Variants in DAB2 observed in about 807,000 individuals in gnomAD.
DAB2 encodes the protein disabled homolog 2.
Under a neutral mutation model 71.6 loss-of-function variants are expected in DAB2, and 28 were observed. The ratio of observed to expected loss-of-function variants is 0.39; its 90% CI spans 0.29 to 0.54. The LOEUF is 0.54. Among genes scored for constraint, DAB2 ranks in the 20% least tolerant of loss-of-function variants. The pLI, the probability that DAB2 is intolerant of heterozygous loss-of-function variation, is 0.68. For missense variants in DAB2, 867 were observed against 928.8 expected (o/e 0.93, Z 0.86); for synonymous variants, 345 against 339.7 (o/e 1.02, Z -0.17).
intron 5 of DAB2, 22 bp from the exon 6 acceptor site, chr5:39,389,954 T>G (rs1199529305): frequency 6.9e-7 from 1 of 1,454,974 alleles, no homozygotes; most frequent in Non-Finnish European, 9.4e-7. Context: ...GAAAGCACTG[T>G]TATCCGTATT....
At chr5:39,403,341 T>C (rs1180532299) in intron 1 of DAB2, among the ~76,000 whole-genome samples, 1 of 152,176 alleles carries the variant, frequency 6.6e-6, no homozygotes, top group Non-Finnish European at 1.5e-5. Context: ...ATTACCTGTG[T>C]TTGTTTTTAA....
rs1165310252 is a variant in DAB2, at chr5:39,382,850, T to C, written c.1109A>G (p.Gln370Arg). 6.2e-7 allele frequency: 1 copy of C among 1,614,152 alleles called. No individual in the cohort carries two copies. The highest frequency in any genetic ancestry group is 1.7e-5 in the Admixed American group (1 of 60,006). Reference sequence around the variant, plus strand: ...TTGAGTTCTCACTGCTGGCTGGGTTTGCGAACTTGAAAAGGGCCATGGGCC... The same window carrying C: ...TTGAGTTCTCACTGCTGGCTGGGTTCGCGAACTTGAAAAGGGCCATGGGCC... ...QAGPWPFSSS[Q>R]TQPAVRTQNG... The change falls in exon 10 of 15, where the codon CAA (glutamine) becomes CGA (arginine). Residue 370 changes from glutamine (Q) to arginine (R), a missense_variant. This residue lies in a region of DAB2 where 740 missense variants were observed against 734.3 expected (regional missense o/e 1.01). Coordinates refer to ENST00000320816, the MANE Select transcript of DAB2 (RefSeq NM_001343.4).
At chr5:39,398,225 G>A (rs115128266) in intron 1 of DAB2, among the ~76,000 whole-genome samples, 4,192 of 152,278 alleles carry the variant, frequency 0.028, 89 homozygotes, top group South Asian at 0.086. Flanking sequence ...TTTTGGGGGA[G>A]GGAACGGTGG....
rs765675918 is a variant in DAB2 at position 39,375,968 on chromosome 5, G to C, written c.2247+29C>G. On this transcript the variant is annotated intron_variant, in intron 13 of 14. Coordinates refer to ENST00000320816, the MANE Select transcript of DAB2 (RefSeq NM_001343.4). ...GGAGCTCTATGTGGCATGTACTTTG[G>C]AGAAGAGCTTCTAGTAGTTCATACT... 4 of 1,545,556 alleles carry C rather than the reference G, an allele frequency of 2.6e-6. No individual in the cohort carries two copies. The South Asian group carries it at 3.3e-5, about 13-fold the overall frequency.
intron 14 of DAB2, chr5:39,374,641 T>C (rs1181797714): frequency 4.7e-6 from 1 of 211,876 alleles, no homozygotes; most frequent in Non-Finnish European, 9.2e-6. Flanking sequence ...CTGAACCCTT[T>C]ATAGGAAACC....
intron 1 of DAB2, among the ~76,000 whole-genome samples, chr5:39,412,122 A>AG (rs982513596): frequency 4.6e-5 from 7 of 152,082 alleles, no homozygotes; most frequent in Admixed American, 4.6e-4. Context: ...CATTCCCTTA[A>AG]GGGGGAAAAA....
chr5:39,405,710 T>G (rs1755594584), intron 1 of DAB2, among the ~76,000 whole-genome samples: 1 of 152,236 alleles, frequency 6.6e-6, no homozygotes, highest in South Asian at 2.1e-4. Flanking sequence ...CATGCATAAT[T>G]CTTTCCTTAT....
At chr5:39,403,902 G>A (rs1755554206) in intron 1 of DAB2, among the ~76,000 whole-genome samples, 1 of 151,812 alleles carries the variant, frequency 6.6e-6, no homozygotes, top group African/African-American at 2.4e-5. Context: ...CCTTGCGATA[G>A]TTTGCTGAGA....
chr5:39,382,540 G>A (rs1260862953), intron 10 of DAB2, 78 bp downstream of exon 10: 2 of 1,415,350 alleles, frequency 1.4e-6, no homozygotes, highest in African/African-American at 2.8e-5. Context: ...AGAGCAGCAG[G>A]AAAGAGAGCT....
chr5:39,376,663 C>T lies in DAB2; in HGVS notation c.2124G>A (p.Leu708=), dbSNP rs760915155. The T allele has an allele frequency of 1.2e-6, 2 of 1,613,720 alleles. No homozygotes were observed. The highest frequency in any genetic ancestry group is 8.5e-7 in the Non-Finnish European group (1 of 1,179,916). Reference sequence around the variant, plus strand: ...TGAGTGGCTTACCATTGATCTTGTTCAATAGTTGATTAGCATCAAAGTCAT... The same window carrying T: ...TGAGTGGCTTACCATTGATCTTGTTTAATAGTTGATTAGCATCAAAGTCAT... The part of the protein sequence containing the change: ...DHDDFDANQL[L]NKINEPPKPA... The change falls in exon 12 of 15, where the codon TTG becomes TTA. Residue 708 remains leucine (L), a synonymous_variant. Transcript: ENST00000320816.
chr5:39,406,655 G>A (rs1342159028), intron 1 of DAB2, among the ~76,000 whole-genome samples: 6 of 152,156 alleles, frequency 3.9e-5, no homozygotes, highest in African/African-American at 1.4e-4. Flanking sequence ...AAGCTAAAGT[G>A]TTCATAGGCA....
rs984643702 is a variant in DAB2, at chr5:39,383,105, T to C, written c.854A>G (p.Asn285Ser). 9 of 1,613,784 alleles carry C rather than the reference T, an allele frequency of 5.6e-6. No homozygotes were observed. The highest frequency in any genetic ancestry group is 7.6e-6 in the Non-Finnish European group (9 of 1,179,978). The change falls in exon 10 of 15, where the codon AAC (asparagine) becomes AGC (serine). Residue 285 changes from asparagine (N) to serine (S), a missense_variant. Transcript: ENST00000320816. Reference protein sequence around the residue: ...LPENAFSANLNFFPTPNPDPF... With the variant: ...LPENAFSANLSFFPTPNPDPF... ...ATCAGGATTAGGGGTGGGAAAGAAGTTGAGATTGGCAGAAAAGGCATTTTC... is the reference window on the plus strand; with the variant it reads ...ATCAGGATTAGGGGTGGGAAAGAAGCTGAGATTGGCAGAAAAGGCATTTTC...
At chr5:39,384,270 C>A (rs772889279) in intron 9 of DAB2, among the ~76,000 whole-genome samples, 20 of 152,210 alleles carry the variant, frequency 1.3e-4, no homozygotes, top group Non-Finnish European at 2.1e-4. Context: ...AACCTATATA[C>A]AGTATTTTTC....
At chr5:39,413,121 G>C (rs1214891252) in intron 1 of DAB2, among the ~76,000 whole-genome samples, 1 of 152,112 alleles carries the variant, frequency 6.6e-6, no homozygotes, top group Non-Finnish European at 1.5e-5. Context: ...TGACAAATCC[G>C]AGTACAGGGA....
chr5:39,411,298 T>C (rs930416147), intron 1 of DAB2, among the ~76,000 whole-genome samples: 1 of 152,148 alleles, frequency 6.6e-6, no homozygotes, highest in Non-Finnish European at 1.5e-5. Flanking sequence ...CCTTGGTTCA[T>C]AAAAAACATA....
chr5:39,403,473 A>C (rs62358451), intron 1 of DAB2, among the ~76,000 whole-genome samples: 4,191 of 152,284 alleles, frequency 0.028, 87 homozygotes, highest in South Asian at 0.086. Context: ...GGGTAATTTG[A>C]ACATGGTATT....
chr5:39,393,902 T>C (rs1755294544), intron 2 of DAB2, among the ~76,000 whole-genome samples: 1 of 152,198 alleles, frequency 6.6e-6, no homozygotes, highest in South Asian at 2.1e-4. Context: ...CCATTCCCAA[T>C]GAGTTCAGTA....
At chr5:39,412,135 C>T (rs1755745697) in intron 1 of DAB2, among the ~76,000 whole-genome samples, 1 of 152,062 alleles carries the variant, frequency 6.6e-6, no homozygotes, top group African/African-American at 2.4e-5. Context: ...GGGAAAAAAA[C>T]AAATGTCTTT....
At chr5:39,423,076 G>T (rs1272995378) in intron 1 of DAB2, among the ~76,000 whole-genome samples, 1 of 152,150 alleles carries the variant, frequency 6.6e-6, no homozygotes, top group African/African-American at 2.4e-5. Context: ...TACTTATTCT[G>T]GTTATACATT....
Sources: allele counts gnomAD v4.1 joint callset (sites outside exome capture counted in the v4.1 genomes callset), GRCh38; gene constraint gnomAD v4.1.1; regional missense constraint gnomAD v4.1.1; transcripts MANE v1.5; gene names NCBI Gene and HGNC (gene_info 2026-07-23, HGNC 2026-07-21).